The following GPBP1 variants were observed in gnomAD, a reference collection of about 807,000 sequenced individuals.
The protein encoded by GPBP1 is GC-rich promoter binding protein 1, also known as vasculin.
GPBP1 carries 13 observed loss-of-function variants against 56.5 expected under a neutral mutation model. The ratio of observed to expected loss-of-function variants is 0.23; its 90% confidence interval spans 0.15 to 0.37. GPBP1 has a LOEUF of 0.37. Among genes scored for constraint, GPBP1 ranks in the 10% least tolerant of loss-of-function variants. The pLI is 1.00. For synonymous variants in GPBP1, 204 were observed against 188.9 expected (o/e 1.08, Z -0.66); for missense variants, 477 against 572.3 (o/e 0.83, Z 1.70).
intron 3 of GPBP1, among the ~76,000 whole-genome samples, chr5:57,223,964 G>T (rs1044168488): frequency 4.4e-4 from 66 of 151,620 alleles, no homozygotes; most frequent in Admixed American, 2.2e-3. Flanking sequence ...CTCCCGAGTA[G>T]CTGGGACTAT....
At position 57,231,297 on chromosome 5, in the gene GPBP1, C is replaced by T. The variant is rs1455288201; in HGVS notation, c.387C>T (p.Arg129=). ...ETGRKEDKRE[R]KQFEAEDFPS... is the part of the protein sequence containing the mutation. Reference sequence around the variant, plus strand: ...GGAGGAAAGAAGACAAGAGAGAACGCAAACAGTTTGAAGCTGAGGATTTTG... The same window carrying T: ...GGAGGAAAGAAGACAAGAGAGAACGTAAACAGTTTGAAGCTGAGGATTTTG... The change falls in exon 5 of 12, where the codon CGC becomes CGT. Residue 129 remains arginine (R), a synonymous_variant. Coordinates refer to ENST00000506184, the MANE Select transcript of GPBP1 (RefSeq NM_022913.4). 9 of 1,613,436 alleles carry T rather than the reference C, an allele frequency of 5.6e-6. No homozygotes were observed. Among genetic ancestry groups the T allele is most frequent in the African/African-American group, 1.3e-5 (1 of 74,964 alleles).
intron 2 of GPBP1, among the ~76,000 whole-genome samples, chr5:57,201,200 C>G (rs1203417650): frequency 1.3e-5 from 2 of 151,864 alleles, no homozygotes; most frequent in East Asian, 3.9e-4. Flanking sequence ...TTTTTTGAGT[C>G]AGGGCCTTGC....
In GPBP1 at chr5:57,227,029, G is replaced by T. The variant is rs376206519; in HGVS notation, c.64-3817G>T. Among the ~76,000 whole-genome samples, 45 of 151,586 alleles carry T rather than the reference G, an allele frequency of 3.0e-4. 4 individuals carry two copies. Among genetic ancestry groups the T allele is most frequent in the Admixed American group, 1.9e-3 (29 of 15,236 alleles). On this transcript the variant is annotated intron_variant, in intron 3 of 11. Transcript: ENST00000506184. Reference sequence around the variant, plus strand: ...GCTAGGATTACAGGCGTGAGCCACCGTGCCCGGCCTGTATTCTTTTGAAAT... The same window carrying T: ...GCTAGGATTACAGGCGTGAGCCACCTTGCCCGGCCTGTATTCTTTTGAAAT...
chr5:57,176,870 A>G (rs1363839733), intron 2 of GPBP1, among the ~76,000 whole-genome samples: 1 of 152,180 alleles, frequency 6.6e-6, no homozygotes, highest in Non-Finnish European at 1.5e-5. Flanking sequence ...GGAGTTACAT[A>G]GTTTGGTTAT....
chr5:57,234,181 G>A (rs2111868436), intron 5 of GPBP1, among the ~76,000 whole-genome samples: 1 of 152,188 alleles, frequency 6.6e-6, no homozygotes, highest in South Asian at 2.1e-4. Context: ...TGATTAAAAT[G>A]TTTATATTAA....
chr5:57,220,868 ATTCT>A (rs1383843027), intron 3 of GPBP1, among the ~76,000 whole-genome samples: 8 of 152,154 alleles, frequency 5.3e-5, no homozygotes, highest in African/African-American at 1.9e-4. Flanking sequence ...TTTCTGTCTT[ATTCT>A]TTCTCAGAAT....
intron 11 of GPBP1, among the ~76,000 whole-genome samples, chr5:57,261,924 C>T (rs1388315888): frequency 6.6e-6 from 1 of 152,136 alleles, no homozygotes; most frequent in Non-Finnish European, 1.5e-5. Flanking sequence ...ACTCTGTCAT[C>T]TAGGCTGGAG....
Position 57,206,826 on chromosome 5 carries a change from A to G in GPBP1, c.-57-7248A>G, listed in dbSNP as rs1010646021. ...AAATGTGTGGGCTTATTTCTGGTTT[A>G]TATGTCTGTTCTTAGGCCATACTAC... On this transcript the variant is annotated intron_variant, in intron 2 of 11. Transcript: ENST00000506184. Among the ~76,000 whole-genome samples, 5 of 152,086 alleles carry G rather than the reference A, an allele frequency of 3.3e-5. No homozygotes were observed. The South Asian group carries it at 1.0e-3, about 32-fold the overall frequency.
At chr5:57,179,229 G>T (rs1753931822) in intron 2 of GPBP1, among the ~76,000 whole-genome samples, 1 of 152,028 alleles carries the variant, frequency 6.6e-6, no homozygotes, top group Admixed American at 6.6e-5. Context: ...TTCATGTACT[G>T]CTTCTCTTTG....
chr5:57,190,403 G>A (rs545912941), intron 2 of GPBP1, among the ~76,000 whole-genome samples: 9 of 151,982 alleles, frequency 5.9e-5, no homozygotes, highest in African/African-American at 2.2e-4. Context: ...TGGCCAACAC[G>A]GTGAAACCCC....
rs574258951 is a variant in GPBP1, at chr5:57,212,178, C to T, written c.-57-1896C>T. On this transcript the variant is annotated intron_variant, in intron 2 of 11. Coordinates refer to ENST00000506184, the MANE Select transcript of GPBP1 (RefSeq NM_022913.4). ...CTCCTGACCTTGTGATCCACCCACC[C>T]CAGCCTCCCAAAGTGTTGGGATTAT... Among the ~76,000 whole-genome samples, 3 of 151,850 alleles carry T rather than the reference C, an allele frequency of 2.0e-5. No individual in the cohort carries two copies. In the South Asian group the frequency reaches 6.3e-4, roughly 32 times the overall value.
intron 3 of GPBP1, among the ~76,000 whole-genome samples, chr5:57,226,553 C>CTTTTTTTTTTTT (rs34180383): frequency 4.8e-5 from 3 of 62,128 alleles, no homozygotes; most frequent in African/African-American, 6.6e-5. Context: ...AGCATTTTTG[C>CTTTTTTTTTTTT]TTTTTTTTTT....
intron 5 of GPBP1, among the ~76,000 whole-genome samples, chr5:57,231,722 A>T (rs779999731): frequency 1.3e-5 from 2 of 152,142 alleles, no homozygotes; most frequent in Non-Finnish European, 2.9e-5. Context: ...CTCTTTTTAT[A>T]TATTCATTGT....
intron 5 of GPBP1, among the ~76,000 whole-genome samples, chr5:57,232,219 C>G (rs1029990567): frequency 6.6e-6 from 1 of 152,092 alleles, no homozygotes; most frequent in African/African-American, 2.4e-5. Context: ...AACTTCTGGC[C>G]TCAAGCAATC....
intron 9 of GPBP1, among the ~76,000 whole-genome samples, chr5:57,250,513 T>C (rs915282768): frequency 3.9e-5 from 6 of 152,074 alleles, no homozygotes; most frequent in Admixed American, 1.3e-4. Context: ...CATTCCTAAA[T>C]TTAACAATTA....
intron 2 of GPBP1, among the ~76,000 whole-genome samples, chr5:57,201,944 A>C (rs1007377631): frequency 3.3e-5 from 5 of 152,100 alleles, no homozygotes; most frequent in African/African-American, 1.2e-4. Context: ...CTTAGGGGCA[A>C]ATTACTTTAA....
At chr5:57,190,108 G>A (rs755884976) in intron 2 of GPBP1, among the ~76,000 whole-genome samples, 9 of 149,442 alleles carry the variant, frequency 6.0e-5, no homozygotes, top group East Asian at 2.1e-4. Flanking sequence ...TAGTCTCAGT[G>A]CACTTATTTG....
intron 2 of GPBP1, among the ~76,000 whole-genome samples, chr5:57,208,712 A>C (rs1232304598): frequency 3.4e-5 from 5 of 145,836 alleles, no homozygotes; most frequent in Non-Finnish European, 3.0e-5. Flanking sequence ...GCTGGAGTGC[A>C]ATGGCGTGAT....
At chr5:57,226,360 G>A (rs994652233) in intron 3 of GPBP1, among the ~76,000 whole-genome samples, 1 of 152,098 alleles carries the variant, frequency 6.6e-6, no homozygotes, top group African/African-American at 2.4e-5. Context: ...CACTTGAGAT[G>A]TTGATAATAG....
Sources: gnomAD v4.1 joint callset for allele counts (sites outside exome capture counted in the v4.1 genomes callset) on GRCh38, gnomAD v4.1.1 for gene constraint, MANE v1.5 for transcripts, NCBI Gene and HGNC (gene_info 2026-07-23, HGNC 2026-07-21) for gene names.